The following CNTRL variants were observed in gnomAD, a reference collection of about 807,000 sequenced individuals.
CNTRL encodes centriolin.
Under a neutral mutation model 303.7 loss-of-function variants are expected in CNTRL, and 233 were observed. That is an observed-to-expected ratio of 0.77 (90% CI 0.69 to 0.86). The LOEUF is 0.86. CNTRL is among the 40% of genes least tolerant of loss of function. The pLI, the probability that CNTRL is intolerant of heterozygous loss-of-function variation, is 0.00. For missense variants in CNTRL, 2,524 were observed against 2,650.6 expected, an observed-to-expected ratio of 0.95 and a Z score of 1.05; for synonymous variants, 900 against 922.2, an observed-to-expected ratio of 0.98 and a Z score of 0.44.
chr9:121,164,939 G>T lies in CNTRL; in HGVS notation c.5424-4G>T, dbSNP rs2131811635. The stretch of plus-strand genomic sequence containing the variant: ...TTGACAGTCTGACTTACTCTCTGTG[G>T]TAGGGTTTTAGCAGCAGCAGAAGAA... On this transcript the variant is annotated splice_region_variant and splice_polypyrimidine_tract_variant and intron_variant, in intron 34 of 43. Transcript: ENST00000373855. 6.2e-7 allele frequency: 1 copy of T among 1,609,512 alleles called. No homozygotes were observed. Among genetic ancestry groups the T allele is most frequent in the Non-Finnish European group, 8.5e-7 (1 of 1,178,458 alleles).
chr9:121,165,812 A>G (rs1341786431), intron 35 of CNTRL, among the ~76,000 whole-genome samples: 1 of 152,194 alleles, frequency 6.6e-6, no homozygotes, highest in Non-Finnish European at 1.5e-5. Context: ...TTAAGTTTCT[A>G]TTTCTACCAG....
At position 121,177,442 on chromosome 9, in the gene CNTRL, A is replaced by C. The variant is rs1467281733; in HGVS notation, c.*256A>C. The C allele has an allele frequency of 5.2e-6, 2 of 387,344 alleles. No individual in the cohort carries two copies. Among genetic ancestry groups the C allele is most frequent in the African/African-American group, 2.1e-5 (1 of 47,508 alleles). 24.0% of individuals were successfully genotyped at this position (387,344 alleles called of 1,614,324 possible). On this transcript the variant is annotated 3_prime_UTR_variant, in exon 44 of 44. Transcript: ENST00000373855. ...AGCCTTTTTTTTTTTAATCTTCGTA[A>C]CATGTTTAAAAAAAAACAGTGATTT...
rs1301157540 is a variant in CNTRL at position 121,135,973 on chromosome 9, A to T, written c.2193A>T (p.Arg731Ser). 1.9e-6 allele frequency: 3 copies of T among 1,604,196 alleles called. No individual in the cohort carries two copies. In the African/African-American group the frequency reaches 4.0e-5, roughly 21 times the overall value. Residue 731 changes from arginine to serine, a missense_variant, in exon 15 of 44, where the codon AGA becomes AGT. Coordinates refer to ENST00000373855, the MANE Select transcript of CNTRL (RefSeq NM_007018.6). ...AGGAAGAGTTGGAAAAAGTAACAAG[A>T]CTTACCCAGGTAAGTAGGAGCATGA... ...QLKEELEKVT[R>S]LTQLEQSALQ...
intron 2 of CNTRL, among the ~76,000 whole-genome samples, chr9:121,087,266 C>T (rs189045378): frequency 2.6e-4 from 39 of 151,846 alleles, no homozygotes; most frequent in Admixed American, 8.5e-4. Flanking sequence ...CACTGGAAGA[C>T]GAAAAGGAGA....
intron 11 of CNTRL, among the ~76,000 whole-genome samples, chr9:121,117,612 A>G (rs1364414117): frequency 1.3e-5 from 2 of 152,164 alleles, no homozygotes; most frequent in Non-Finnish European, 2.9e-5. Context: ...TAAATTTTCC[A>G]TGATTCAGTT....
rs2053567017 is a variant in CNTRL at position 121,177,327 on chromosome 9, G to A, written c.*141G>A. ...AACTCCACTGTAGTTTACTTTGCCTGTACCATTAATGCCAATGTTTTTATA... is the reference window on the plus strand; with the variant it reads ...AACTCCACTGTAGTTTACTTTGCCTATACCATTAATGCCAATGTTTTTATA... On this transcript the variant is annotated 3_prime_UTR_variant, in exon 44 of 44. Coordinates refer to ENST00000373855, the MANE Select transcript of CNTRL (RefSeq NM_007018.6). 3 of 693,302 alleles carry A rather than the reference G, an allele frequency of 4.3e-6. No homozygotes were observed. The highest frequency in any genetic ancestry group is 5.0e-6 in the Non-Finnish European group (2 of 402,336). The allele number at this position is 693,302 out of a possible 1,614,324, so 42.9% of individuals were successfully genotyped here.
chr9:121,077,790 T>A (rs2047984061), intron 1 of CNTRL, among the ~76,000 whole-genome samples: 1 of 121,202 alleles, frequency 8.3e-6, no homozygotes, highest in South Asian at 2.9e-4. Context: ...CTACAAAAAA[T>A]AAAAAATTAG....
intron 27 of CNTRL, among the ~76,000 whole-genome samples, chr9:121,155,671 G>A (rs565303813): frequency 4.7e-4 from 71 of 152,292 alleles, no homozygotes; most frequent in South Asian, 3.1e-3. Context: ...GGGAGAAAAA[G>A]GAGTTACCTT....
intron 34 of CNTRL, among the ~76,000 whole-genome samples, chr9:121,162,629 T>G (rs913621367): frequency 6.6e-6 from 1 of 152,220 alleles, no homozygotes; most frequent in Non-Finnish European, 1.5e-5. Flanking sequence ...CAATAGCCTT[T>G]CCTTGTGGAA....
Position 121,107,826 on chromosome 9 carries a change from A to G in CNTRL, c.833A>G (p.Asp278Gly). ...SLEEVERLER[D>G]LEKKMIETEE... is the part of the protein sequence containing the mutation. ...GAAGAGGTAGAAAGACTGGAAAGAG[A>G]CCTAGAAAAAAAGATGATAGAAACT... is the stretch of plus-strand genomic sequence containing the variant. Residue 278 changes from aspartate (D) to glycine (G), a missense_variant, in exon 8 of 44, where the codon GAC becomes GGC. Physicochemically the swap from Asp to Gly is moderately conservative, Grantham distance 94. Transcript: ENST00000373855. 1 of 1,587,506 alleles carries G rather than the reference A, an allele frequency of 6.3e-7. No individual in the cohort carries two copies. The highest frequency in any genetic ancestry group is 8.5e-7 in the Non-Finnish European group (1 of 1,172,254).
At chr9:121,159,832 A>G (rs776662828) in intron 31 of CNTRL, among the ~76,000 whole-genome samples, 2 of 152,186 alleles carry the variant, frequency 1.3e-5, no homozygotes, top group African/African-American at 2.4e-5. Flanking sequence ...TCCCTGCCTT[A>G]CCACTCAACA....
chr9:121,099,235 C>T (rs938139659), intron 7 of CNTRL, among the ~76,000 whole-genome samples: 2 of 152,162 alleles, frequency 1.3e-5, no homozygotes, highest in Non-Finnish European at 2.9e-5. Context: ...CAACATTTGC[C>T]GTTCTGCAAT....
intron 23 of CNTRL, among the ~76,000 whole-genome samples, chr9:121,147,778 C>G (rs2051966932): frequency 6.6e-6 from 1 of 152,092 alleles, no homozygotes; most frequent in African/African-American, 2.4e-5. Context: ...TAACCAGACC[C>G]CTGAAGAGCA....
intron 14 of CNTRL, among the ~76,000 whole-genome samples, chr9:121,127,458 C>G (rs73660403): frequency 0.12 from 18,583 of 152,038 alleles, 1,293 homozygotes; most frequent in East Asian, 0.18. Flanking sequence ...GGCTACCATT[C>G]TTGCCACATC....
Position 121,158,115 on chromosome 9 carries a change from G to A in CNTRL, c.4764+6G>A. 1 of 1,612,928 alleles carries A rather than the reference G, an allele frequency of 6.2e-7. No individual in the cohort carries two copies. The highest frequency in any genetic ancestry group is 1.1e-5 in the South Asian group (1 of 90,968). On this transcript the variant is annotated splice_donor_region_variant and intron_variant, in intron 30 of 43. Transcript: ENST00000373855. ...TGGAAAAGCTGAAAAGCCAGGTATG[G>A]CAATAGACACCTTGAAAAAACAACT...
At chr9:121,171,020 T>C (rs2053279372) in intron 39 of CNTRL, among the ~76,000 whole-genome samples, 1 of 152,160 alleles carries the variant, frequency 6.6e-6, no homozygotes, top group Non-Finnish European at 1.5e-5. Context: ...AAGGAACTTT[T>C]AAACCATGTG....
At position 121,125,854 on chromosome 9, in the gene CNTRL, C is replaced by A. The variant is rs1267113922; in HGVS notation, c.1943C>A (p.Thr648Lys). 6.2e-7 allele frequency: 1 copy of A among 1,614,194 alleles called. No homozygotes were observed. Among genetic ancestry groups the A allele is most frequent in the Admixed American group, 1.7e-5 (1 of 60,032 alleles). The change falls in exon 14 of 44, where the codon ACA becomes AAA. Residue 648 changes from threonine (T) to lysine (K), a missense_variant. Physicochemically the swap from Thr to Lys is moderately conservative, Grantham distance 78. Transcript: ENST00000373855. ...ECRKLRDEKE[T>K]LLQRLTEVEQ... is the part of the protein sequence containing the mutation. ...AGGAAGCTGCGGGATGAGAAAGAGA[C>A]ATTGTTGCAGAGATTGACAGAAGTC...
intron 20 of CNTRL, 98 bp from the exon 21 acceptor site, chr9:121,144,745 G>A: frequency 1.1e-6 from 1 of 933,282 alleles, no homozygotes. Flanking sequence ...AGCCTGGTAG[G>A]CAATGTGATG....
Position 121,150,435 on chromosome 9 carries a change from C to G in CNTRL, c.3915C>G (p.Phe1305Leu). 1 of 1,614,212 alleles carries G rather than the reference C, an allele frequency of 6.2e-7. No individual in the cohort carries two copies. Among genetic ancestry groups the G allele is most frequent in the Non-Finnish European group, 8.5e-7 (1 of 1,180,042 alleles). The change falls in exon 25 of 44, where the codon TTC becomes TTG. Residue 1305 changes from phenylalanine (F) to leucine (L), a missense_variant. Phe to Leu is a conservative substitution (Grantham distance 22). Coordinates refer to ENST00000373855, the MANE Select transcript of CNTRL (RefSeq NM_007018.6). ...GPPPPNFSIP[F>L]IPMGVLHCNV... ...CACCCCCCAACTTCTCCATCCCCTT[C>G]ATCCCTATGGGTGTGCTGCATTGCA...
Sources: gnomAD v4.1 joint callset for allele counts (sites outside exome capture counted in the v4.1 genomes callset) on GRCh38, gnomAD v4.1.1 for gene constraint, MANE v1.5 for transcripts, NCBI Gene and HGNC (gene_info 2026-07-23, HGNC 2026-07-21) for gene names.